The following PALLD variants were observed in gnomAD, a reference collection of about 807,000 sequenced individuals.
The protein encoded by PALLD is palladin, cytoskeletal associated protein.
In PALLD, 61 loss-of-function variants were observed where a neutral mutation model predicts 123.5. That is an observed-to-expected ratio of 0.49 (90% CI 0.40 to 0.61). The LOEUF (loss-of-function observed/expected upper bound fraction) is 0.61, where lower values mean the gene tolerates loss of function less well. PALLD is among the 20% of genes least tolerant of loss of function. The pLI is 0.00. For missense variants in PALLD, 1,273 were observed against 1,377.0 expected, an observed-to-expected ratio of 0.92 and a Z score of 1.20; for synonymous variants, 465 against 496.4, an observed-to-expected ratio of 0.94 and a Z score of 0.84.
intron 14 of PALLD, among the ~76,000 whole-genome samples, chr4:168,899,309 T>C (rs1030167183): frequency 2.7e-4 from 41 of 152,034 alleles, no homozygotes; most frequent in Non-Finnish European, 5.0e-4. Flanking sequence ...CTGCCCTATC[T>C]TTAAAGGAAG....
At chr4:168,559,345 C>G (rs1767630386) in intron 2 of PALLD, among the ~76,000 whole-genome samples, 1 of 152,088 alleles carries the variant, frequency 6.6e-6, no homozygotes, top group African/African-American at 2.4e-5. Context: ...AAAGAAGGAT[C>G]ATTAAAGGTA....
At chr4:168,540,612 G>T (rs1019582240) in intron 2 of PALLD, among the ~76,000 whole-genome samples, 13 of 152,096 alleles carry the variant, frequency 8.5e-5, no homozygotes, top group African/African-American at 3.1e-4. Flanking sequence ...CAAAAAGTAT[G>T]CATGTATGTT....
intron 2 of PALLD, chr4:168,631,662 G>C: frequency 1.0e-6 from 1 of 985,506 alleles, no homozygotes; most frequent in Non-Finnish European, 1.2e-6. Flanking sequence ...CCTGAGTCGT[G>C]GCCGCTGCGC....
intron 10 of PALLD, among the ~76,000 whole-genome samples, chr4:168,872,898 C>T (rs1038592315): frequency 1.1e-4 from 17 of 152,144 alleles, no homozygotes; most frequent in African/African-American, 3.4e-4. Flanking sequence ...GGAACTGAAT[C>T]GGTACTACCT....
intron 10 of PALLD, among the ~76,000 whole-genome samples, chr4:168,747,513 A>G (rs1730481169): frequency 6.6e-6 from 1 of 152,222 alleles, no homozygotes; most frequent in African/African-American, 2.4e-5. Context: ...ACATGCTATG[A>G]CAATGAGACA....
chr4:168,910,120 T>A (rs1372375989), intron 15 of PALLD, among the ~76,000 whole-genome samples: 1 of 152,040 alleles, frequency 6.6e-6, no homozygotes, highest in Non-Finnish European at 1.5e-5. Context: ...AAATATTCTG[T>A]GGCAATATTT....
chr4:168,502,753 A>G (rs1761551157), intron 1 of PALLD, among the ~76,000 whole-genome samples: 1 of 152,108 alleles, frequency 6.6e-6, no homozygotes, highest in South Asian at 2.1e-4. Context: ...ATATTTTAAA[A>G]TTTAGCCAGG....
At chr4:168,797,132 A>G (rs933048038) in intron 10 of PALLD, among the ~76,000 whole-genome samples, 4 of 152,186 alleles carry the variant, frequency 2.6e-5, no homozygotes, top group Non-Finnish European at 5.9e-5. Flanking sequence ...CAATCTTTGA[A>G]TATTTGAACA....
intron 2 of PALLD, among the ~76,000 whole-genome samples, chr4:168,580,029 A>G (rs78567456): frequency 0.035 from 5,302 of 151,876 alleles, 317 homozygotes; most frequent in African/African-American, 0.12. Flanking sequence ...ATAGCTCCTC[A>G]TTTCCTCCAC....
chr4:168,889,036 C>T (rs1753762047), intron 10 of PALLD, among the ~76,000 whole-genome samples: 1 of 152,062 alleles, frequency 6.6e-6, no homozygotes, highest in African/African-American at 2.4e-5. Flanking sequence ...TGTTTAGGTA[C>T]ATTCTTAGCC....
intron 9 of PALLD, among the ~76,000 whole-genome samples, chr4:168,710,837 G>A (rs1784766777): frequency 6.6e-6 from 1 of 152,136 alleles, no homozygotes; most frequent in Admixed American, 6.5e-5. Context: ...AAAAATTTGT[G>A]TGTAATATTT....
intron 9 of PALLD, among the ~76,000 whole-genome samples, chr4:168,710,426 T>C (rs1784726411): frequency 6.6e-6 from 1 of 152,136 alleles, no homozygotes; most frequent in South Asian, 2.1e-4. Context: ...ATGTACATAG[T>C]AGGGAATCAA....
chr4:168,789,566 G>A (rs141376714), intron 10 of PALLD, among the ~76,000 whole-genome samples: 19 of 151,984 alleles, frequency 1.3e-4, no homozygotes, highest in Non-Finnish European at 2.4e-4. Flanking sequence ...TTAGCTGGGC[G>A]TGGTGGCATG....
At chr4:168,772,721 A>G (rs1273224079) in intron 10 of PALLD, among the ~76,000 whole-genome samples, 1 of 152,222 alleles carries the variant, frequency 6.6e-6, no homozygotes, top group African/African-American at 2.4e-5. Context: ...CACGCATCCC[A>G]TTCATCTCTG....
chr4:168,765,188 A>G (rs997551995), intron 10 of PALLD, among the ~76,000 whole-genome samples: 1 of 152,224 alleles, frequency 6.6e-6, no homozygotes, highest in African/African-American at 2.4e-5. Context: ...AACAAATGAG[A>G]TCACATATGC....
At chr4:168,693,769 A>G (rs150808230) in intron 8 of PALLD, among the ~76,000 whole-genome samples, 313 of 152,348 alleles carry the variant, frequency 2.1e-3, no homozygotes, top group African/African-American at 7.1e-3. Context: ...TGTTTTTACC[A>G]TGACACGACG....
At chr4:168,900,730 A>C (rs1756330437) in intron 14 of PALLD, among the ~76,000 whole-genome samples, 1 of 152,168 alleles carries the variant, frequency 6.6e-6, no homozygotes, top group African/African-American at 2.4e-5. Flanking sequence ...TTTAAAATAA[A>C]CTCCATTGTT....
chr4:168,924,007 C>T (rs1256087613), intron 18 of PALLD, among the ~76,000 whole-genome samples: 2 of 152,150 alleles, frequency 1.3e-5, no homozygotes, highest in African/African-American at 4.8e-5. Flanking sequence ...TTCTGTGAAG[C>T]AGATGGCCAG....
intron 10 of PALLD, among the ~76,000 whole-genome samples, chr4:168,877,088 A>G (rs115120944): frequency 6.6e-6 from 1 of 152,374 alleles, no homozygotes; most frequent in East Asian, 1.9e-4. Flanking sequence ...TTGAAATAAC[A>G]TACAATATCA....
Sources: gnomAD v4.1 joint callset for allele counts (sites outside exome capture counted in the v4.1 genomes callset) on GRCh38, gnomAD v4.1.1 for gene constraint, MANE v1.5 for transcripts, NCBI Gene and HGNC (gene_info 2026-07-23, HGNC 2026-07-21) for gene names.